Variants in ACOT13 observed in about 807,000 individuals in gnomAD.
ACOT13 encodes the protein acyl-CoA thioesterase 13.
Under a neutral mutation model 11.8 loss-of-function variants are expected in ACOT13, and 10 were observed. The ratio of observed to expected loss-of-function variants is 0.85; its 90% CI spans 0.53 to 1.44. The LOEUF is 1.44. Ranked by LOEUF, ACOT13 falls within the 40% of genes most tolerant of loss-of-function variation. ACOT13 has a pLI of 0.00. For missense variants in ACOT13, 172 were observed against 174.1 expected, an observed-to-expected ratio of 0.99 and a Z score of 0.07; for synonymous variants, 53 against 61.0, an observed-to-expected ratio of 0.87 and a Z score of 0.61.
chr6:24,677,607 GA>G (rs1361771876), intron 1 of ACOT13, among the ~76,000 whole-genome samples: 1 of 152,200 alleles, frequency 6.6e-6, no homozygotes, highest in Non-Finnish European at 1.5e-5. Context: ...GACATATAAA[GA>G]AAAGTCTTGC....
intron 1 of ACOT13, among the ~76,000 whole-genome samples, chr6:24,696,164 T>C (rs1024975380): frequency 1.8e-4 from 27 of 152,340 alleles, no homozygotes; most frequent in Admixed American, 1.7e-3. Context: ...AAACATGACA[T>C]AATATTGTTT....
intron 2 of ACOT13, 103 bp downstream of exon 2, chr6:24,698,170 G>A (rs977399843): frequency 6.8e-6 from 7 of 1,027,430 alleles, no homozygotes; most frequent in African/African-American, 1.7e-5. Context: ...GATTCAATTA[G>A]CTGCTTATCT....
rs776148748 is a variant in ACOT13 at position 24,701,596 on chromosome 6, CA to C, written c.408del (p.Lys136AsnfsTer11). On this transcript the variant is annotated frameshift_variant, in exon 3 of 3. Transcript: ENST00000230048. LOFTEE classifies it high-confidence loss of function. ...AAATTAATAGCACAAGGAAGACACACAAAACACCTGGGAAACTGAGAGAACA... is the reference window on the plus strand; with the variant it reads ...AAATTAATAGCACAAGGAAGACACACAAACACCTGGGAAACTGAGAGAACA... The part of the protein sequence containing the change: ...TGKLIAQGRH[T>X]KHLGN 1.2e-6 allele frequency: 2 copies of C among 1,611,558 alleles called. No individual in the cohort carries two copies. The highest frequency in any genetic ancestry group is 2.7e-5 in the African/African-American group (2 of 74,952).
At chr6:24,671,311 A>G (rs1269726970) in intron 1 of ACOT13, among the ~76,000 whole-genome samples, 1 of 152,202 alleles carries the variant, frequency 6.6e-6, no homozygotes, top group Non-Finnish European at 1.5e-5. Context: ...TGTCCTTTGT[A>G]GGGACATGGA....
chr6:24,670,486 T>C lies in ACOT13; in HGVS notation c.81+3142T>C, dbSNP rs368304621. On this transcript the variant is annotated intron_variant, in intron 1 of 2. Transcript: ENST00000230048. ...GGCCAGTTTTCCCAAGGGCTTTTAT[T>C]GGCTCCATAAGTCAGGTTTGATTAC... is the stretch of plus-strand genomic sequence containing the variant. Among the ~76,000 whole-genome samples, 6 of 152,242 alleles carry C rather than the reference T, an allele frequency of 3.9e-5. 1 individual carries two copies. The highest frequency in any genetic ancestry group is 1.9e-4 in the East Asian group (1 of 5,202).
chr6:24,667,350 G>A lies in ACOT13; in HGVS notation c.81+6G>A, dbSNP rs983797518. Reference sequence around the variant, plus strand: ...TTGAGAGAGTTTTGGGAAAGGTATGGGAAAGGTAGGGGAGAAGCCGTGGCT... The same window carrying A: ...TTGAGAGAGTTTTGGGAAAGGTATGAGAAAGGTAGGGGAGAAGCCGTGGCT... On this transcript the variant is annotated splice_donor_region_variant and intron_variant, in intron 1 of 2. Transcript: ENST00000230048. 1 of 1,613,670 alleles carries A rather than the reference G, an allele frequency of 6.2e-7. No individual in the cohort carries two copies. The highest frequency in any genetic ancestry group is 1.3e-5 in the African/African-American group (1 of 74,924).
chr6:24,703,049 A>T lies in ACOT13; in HGVS notation c.*1434A>T, dbSNP rs938725746. 10 of 152,264 alleles carry T rather than the reference A, an allele frequency of 6.6e-5. No homozygotes were observed. Among genetic ancestry groups the T allele is most frequent in the African/African-American group, 2.4e-4 (10 of 41,534 alleles). The allele number at this position is 152,264 out of a possible 1,614,324, so 9.4% of individuals were successfully genotyped here. A position where few individuals can be genotyped will look rare whatever the true frequency, so the allele number is the denominator to read the frequency against. ...CTACAGGCGTGTGCCACCACGCCTA[A>T]TTTTATTTTTGTAGAAACAAGGTCT... On this transcript the variant is annotated 3_prime_UTR_variant, in exon 3 of 3. Coordinates refer to ENST00000230048, the MANE Select transcript of ACOT13 (RefSeq NM_018473.4).
Position 24,697,939 on chromosome 6 carries a change from A to G in ACOT13, c.138A>G (p.Glu46=). Residue 46 remains glutamate, a synonymous_variant, in exon 2 of 3, where the codon GAA becomes GAG. Coordinates refer to ENST00000230048, the MANE Select transcript of ACOT13 (RefSeq NM_018473.4). The part of the protein sequence containing the change: ...GKVICEMKVE[E]EHTNAIGTLH... ...TGATTTGTGAAATGAAAGTAGAAGA[A>G]GAGCATACCAATGCAATAGGCACTC... 6.2e-7 allele frequency: 1 copy of G among 1,613,380 alleles called. No individual in the cohort carries two copies. The highest frequency in any genetic ancestry group is 8.5e-7 in the Non-Finnish European group (1 of 1,179,744).
intron 1 of ACOT13, among the ~76,000 whole-genome samples, chr6:24,681,628 G>A (rs1778552396): frequency 6.6e-6 from 1 of 152,050 alleles, no homozygotes; most frequent in Admixed American, 6.5e-5. Context: ...CAAGGGTAGT[G>A]GGGAACGGGT....
In ACOT13 at chr6:24,667,368, C is replaced by G. The variant is rs373384761; in HGVS notation, c.81+24C>G. 3.1e-6 allele frequency: 5 copies of G among 1,609,822 alleles called. No individual in the cohort carries two copies. The African/African-American group carries it at 4.0e-5, about 13-fold the overall frequency. On this transcript the variant is annotated intron_variant, in intron 1 of 2. Coordinates refer to ENST00000230048, the MANE Select transcript of ACOT13 (RefSeq NM_018473.4). Reference sequence around the variant, plus strand: ...AGGTATGGGAAAGGTAGGGGAGAAGCCGTGGCTTCTAATGAAGGAAAAGAA... The same window carrying G: ...AGGTATGGGAAAGGTAGGGGAGAAGGCGTGGCTTCTAATGAAGGAAAAGAA...
chr6:24,685,629 A>G (rs1449901128), intron 1 of ACOT13, among the ~76,000 whole-genome samples: 1 of 152,018 alleles, frequency 6.6e-6, no homozygotes, highest in Non-Finnish European at 1.5e-5. Flanking sequence ...TACAGGCGTA[A>G]GCCACCGCGC....
At chr6:24,689,261 AT>A (rs1160079582) in intron 1 of ACOT13, among the ~76,000 whole-genome samples, 4 of 152,240 alleles carry the variant, frequency 2.6e-5, no homozygotes, top group Non-Finnish European at 4.4e-5. Flanking sequence ...GGTAAAAAAA[AT>A]ATAGAAATAA....
At chr6:24,688,288 C>T (rs896476145) in intron 1 of ACOT13, among the ~76,000 whole-genome samples, 3 of 151,578 alleles carry the variant, frequency 2.0e-5, no homozygotes, top group Non-Finnish European at 2.9e-5. Flanking sequence ...CCTGTAATCC[C>T]AACACTTTAG....
intron 1 of ACOT13, among the ~76,000 whole-genome samples, chr6:24,681,567 CCTCT>C (rs1227587230): frequency 1.4e-5 from 1 of 72,020 alleles, no homozygotes; most frequent in African/African-American, 9.1e-5. Flanking sequence ...TCCGTCTCTC[CCTCT>C]CTCTCCGTCT....
At chr6:24,696,739 T>C (rs144142830) in intron 1 of ACOT13, among the ~76,000 whole-genome samples, 316 of 152,288 alleles carry the variant, frequency 2.1e-3, no homozygotes, top group Non-Finnish European at 3.6e-3. Flanking sequence ...TACCTTTCCA[T>C]AAGTTGCCTT....
chr6:24,693,724 GTCTT>G lies in ACOT13; in HGVS notation c.82-4157_82-4154del, dbSNP rs1448697144. Among the ~76,000 whole-genome samples the G allele has an allele frequency of 1.1e-4, 16 of 149,498 alleles. No individual in the cohort carries two copies. The East Asian group carries it at 3.0e-3, about 28-fold the overall frequency. On this transcript the variant is annotated intron_variant, in intron 1 of 2. Coordinates refer to ENST00000230048, the MANE Select transcript of ACOT13 (RefSeq NM_018473.4). ...AGGGTGAGGGGCTATGGCAACCTGA[GTCTT>G]TTTTTTTTTTTTTGAGACGGAGTCT...
chr6:24,684,807 G>A (rs577355230), intron 1 of ACOT13, among the ~76,000 whole-genome samples: 2 of 152,232 alleles, frequency 1.3e-5, no homozygotes, highest in South Asian at 4.1e-4. Flanking sequence ...GAGGCTAGGA[G>A]TTTGAGACTA....
intron 1 of ACOT13, among the ~76,000 whole-genome samples, chr6:24,675,471 T>C (rs973200330): frequency 1.3e-5 from 2 of 152,350 alleles, no homozygotes; most frequent in African/African-American, 4.8e-5. Flanking sequence ...TGCATTTCTC[T>C]GATGGCCAGT....
chr6:24,673,969 T>C (rs1778404536), intron 1 of ACOT13, among the ~76,000 whole-genome samples: 1 of 152,244 alleles, frequency 6.6e-6, no homozygotes, highest in African/African-American at 2.4e-5. Context: ...AAAATTTGTT[T>C]TATAACTTCC....
Sources: allele counts gnomAD v4.1 joint callset (sites outside exome capture counted in the v4.1 genomes callset), GRCh38; gene constraint gnomAD v4.1.1; transcripts MANE v1.5; gene names NCBI Gene and HGNC (gene_info 2026-07-23, HGNC 2026-07-21).